Variants in FGF14 observed in about 807,000 individuals in gnomAD.
FGF14 encodes the protein fibroblast growth factor homologous factor 4.
In FGF14, 5 loss-of-function variants were observed where a neutral mutation model predicts 25.5. The ratio of observed to expected loss-of-function variants is 0.20; its 90% CI spans 0.10 to 0.41. The LOEUF (loss-of-function observed/expected upper bound fraction) is 0.41. Ranked by LOEUF, FGF14 falls within the 10% of genes least tolerant of loss-of-function variation. The pLI, the probability that FGF14 is intolerant of heterozygous loss-of-function variation, is 1.00. For missense variants in FGF14, 222 were observed against 320.1 expected, an observed-to-expected ratio of 0.69 and a Z score of 2.34; for synonymous variants, 138 against 118.3, an observed-to-expected ratio of 1.17 and a Z score of -1.08.
chr13:102,331,877 A>C (rs1039687593), intron 1 of FGF14, among the ~76,000 whole-genome samples: 4 of 152,188 alleles, frequency 2.6e-5, no homozygotes, highest in African/African-American at 9.6e-5. Flanking sequence ...TCCCCATGGA[A>C]GGGAAAAACT....
intron 1 of FGF14, among the ~76,000 whole-genome samples, chr13:101,909,151 T>C (rs535244755): frequency 6.6e-6 from 1 of 152,292 alleles, no homozygotes; most frequent in East Asian, 1.9e-4. Context: ...GAAGTAAACC[T>C]AGGCAATACC....
At chr13:102,000,999 G>T (rs1456328928) in intron 1 of FGF14, among the ~76,000 whole-genome samples, 3 of 152,180 alleles carry the variant, frequency 2.0e-5, no homozygotes, top group Admixed American at 2.0e-4. Context: ...TTCAAGGCTG[G>T]AGTTTAGGGA....
intron 1 of FGF14, among the ~76,000 whole-genome samples, chr13:102,118,865 A>G (rs757653330): frequency 2.0e-5 from 3 of 152,200 alleles, no homozygotes; most frequent in Non-Finnish European, 2.9e-5. Context: ...TATAATTGTT[A>G]TACAATTCTT....
intron 1 of FGF14, among the ~76,000 whole-genome samples, chr13:102,042,248 C>T (rs2041778208): frequency 6.6e-6 from 1 of 152,164 alleles, no homozygotes; most frequent in Non-Finnish European, 1.5e-5. Flanking sequence ...TATGGTATCA[C>T]TTAGTAAAAC....
At chr13:102,296,139 T>C (rs765985322) in intron 1 of FGF14, among the ~76,000 whole-genome samples, 6 of 152,230 alleles carry the variant, frequency 3.9e-5, no homozygotes, top group South Asian at 4.2e-4. Context: ...CCTTCAGATA[T>C]TTAGGTAAAA....
At chr13:102,197,877 C>G (rs536192906) in intron 1 of FGF14, among the ~76,000 whole-genome samples, 6 of 152,332 alleles carry the variant, frequency 3.9e-5, no homozygotes, top group African/African-American at 1.4e-4. Flanking sequence ...CAGTAGCCCA[C>G]TCCTGATTTG....
At chr13:102,258,213 A>G (rs1449426716) in intron 1 of FGF14, among the ~76,000 whole-genome samples, 4 of 152,078 alleles carry the variant, frequency 2.6e-5, no homozygotes, top group Non-Finnish European at 5.9e-5. Flanking sequence ...TCCCTCCCAT[A>G]ACACGTGGGA....
At chr13:102,025,676 T>C (rs1454873332) in intron 1 of FGF14, among the ~76,000 whole-genome samples, 1 of 152,132 alleles carries the variant, frequency 6.6e-6, no homozygotes, top group African/African-American at 2.4e-5. Flanking sequence ...CCCAAAGTGC[T>C]GCGATTACAG....
At chr13:102,043,478 C>A (rs569737500) in intron 1 of FGF14, among the ~76,000 whole-genome samples, 79 of 152,180 alleles carry the variant, frequency 5.2e-4, no homozygotes, top group Non-Finnish European at 8.1e-4. Context: ...CAATTTGCTT[C>A]TTTTTTAGAA....
intron 1 of FGF14, among the ~76,000 whole-genome samples, chr13:102,034,258 C>T (rs1459046453): frequency 6.6e-6 from 1 of 152,116 alleles, no homozygotes; most frequent in Non-Finnish European, 1.5e-5. Context: ...CAAGTCATCA[C>T]ATTACAAGTC....
chr13:102,191,401 T>C (rs1457000035), intron 1 of FGF14, among the ~76,000 whole-genome samples: 1 of 152,166 alleles, frequency 6.6e-6, no homozygotes, highest in Admixed American at 6.5e-5. Flanking sequence ...TGGTGAAGTT[T>C]TTGTAAAGCC....
intron 3 of FGF14, among the ~76,000 whole-genome samples, chr13:101,749,454 C>T (rs2037127217): frequency 6.6e-6 from 1 of 151,926 alleles, no homozygotes; most frequent in Non-Finnish European, 1.5e-5. Context: ...CTATGTAACA[C>T]TCTTAAAATG....
rs144805354 is a variant in FGF14, at chr13:102,302,024, T to G, written c.208+99447A>C. 3.0e-3 allele frequency among the ~76,000 whole-genome samples: 451 copies of G among 152,212 alleles called. 1 individual carries two copies. The highest frequency in any genetic ancestry group is 0.01 in the Middle Eastern group (3 of 294). On this transcript the variant is annotated intron_variant, in intron 1 of 4. Transcript: ENST00000376131. ...GCTACTTTTGTCAAAATGTCCACAC[T>G]TTTAGATAGGGCCTCCTCCTCCACC... is the stretch of plus-strand genomic sequence containing the variant.
At chr13:101,975,311 C>T (rs1299584770) in intron 1 of FGF14, among the ~76,000 whole-genome samples, 1 of 152,178 alleles carries the variant, frequency 6.6e-6, no homozygotes, top group Non-Finnish European at 1.5e-5. Context: ...CACTAACCCC[C>T]TCGACTCCTC....
chr13:102,283,434 C>G (rs762407480), intron 1 of FGF14, among the ~76,000 whole-genome samples: 3 of 152,134 alleles, frequency 2.0e-5, no homozygotes, highest in Non-Finnish European at 2.9e-5. Context: ...GGCTAAAGAC[C>G]TGATGAATGA....
intron 3 of FGF14, among the ~76,000 whole-genome samples, chr13:101,842,360 C>T (rs2140322102): frequency 6.6e-6 from 1 of 152,122 alleles, no homozygotes; most frequent in East Asian, 1.9e-4. Flanking sequence ...GGTCAAGCTT[C>T]ACTTGTCGGT....
chr13:102,031,743 C>T (rs1460162732), intron 1 of FGF14, among the ~76,000 whole-genome samples: 1 of 151,612 alleles, frequency 6.6e-6, no homozygotes, highest in Non-Finnish European at 1.5e-5. Flanking sequence ...TAAATGGGTC[C>T]CCTAAGACCT....
chr13:101,833,951 T>C (rs2042800841), intron 3 of FGF14, among the ~76,000 whole-genome samples: 1 of 152,114 alleles, frequency 6.6e-6, no homozygotes, highest in African/African-American at 2.4e-5. Context: ...AATGAAACAT[T>C]CTACACAAAC....
At chr13:102,360,814 G>A (rs2057543382) in intron 1 of FGF14, among the ~76,000 whole-genome samples, 1 of 151,920 alleles carries the variant, frequency 6.6e-6, no homozygotes, top group Admixed American at 6.6e-5. Flanking sequence ...TCTTAACCAA[G>A]CCAGTTCCCA....
Sources: gnomAD v4.1 joint callset for allele counts (sites outside exome capture counted in the v4.1 genomes callset) on GRCh38, gnomAD v4.1.1 for gene constraint, MANE v1.5 for transcripts, NCBI Gene and HGNC (gene_info 2026-07-23, HGNC 2026-07-21) for gene names.